Variants in SETD2 observed in about 807,000 individuals in gnomAD.
The protein encoded by SETD2 is SET domain containing 2, histone lysine methyltransferase, also known as histone-lysine N-methyltransferase SETD2.
Under a neutral mutation model 242.1 loss-of-function variants are expected in SETD2, and 31 were observed. The ratio of observed to expected loss-of-function variants is 0.13; its 90% CI spans 0.10 to 0.17. The LOEUF is 0.17. Ranked by LOEUF, SETD2 falls within the 10% of genes least tolerant of loss-of-function variation. SETD2 has a pLI of 1.00. For synonymous variants in SETD2, 1,006 were observed against 1,066.5 expected, an observed-to-expected ratio of 0.94 and a Z score of 1.11; for missense variants, 2,481 against 3,046.3, an observed-to-expected ratio of 0.81 and a Z score of 4.37.
intron 1 of SETD2, among the ~76,000 whole-genome samples, chr3:47,132,582 T>G (rs1421110231): frequency 6.6e-6 from 1 of 152,184 alleles, no homozygotes; most frequent in Non-Finnish European, 1.5e-5. Flanking sequence ...TTAACTAAGA[T>G]AAGACAAAGA....
rs764994848 is a variant in SETD2, at chr3:47,058,799, AT to A, written c.6294-1310del. Among the ~76,000 whole-genome samples, 564 of 144,826 alleles carry A rather than the reference AT, an allele frequency of 3.9e-3. 1 individual carries two copies. Among genetic ancestry groups the A allele is most frequent in the Non-Finnish European group, 4.9e-3 (319 of 65,436 alleles). On this transcript the variant is annotated intron_variant, in intron 14 of 20. Transcript: ENST00000409792. ...ACTGACTACAAAGGGGCACAGGGGAATTTTTTTTTTTTTGAGATGGAGTCTC... is the reference window on the plus strand; with the variant it reads ...ACTGACTACAAAGGGGCACAGGGGAATTTTTTTTTTTTGAGATGGAGTCTC...
chr3:47,124,656 C>T, intron 2 of SETD2, 108 bp from the exon 3 acceptor site: 5 of 942,046 alleles, frequency 5.3e-6, no homozygotes, highest in East Asian at 2.7e-5. Context: ...TTTTTAATAA[C>T]AAATAGTATG....
chr3:47,148,217 G>A (rs547173388), intron 1 of SETD2, among the ~76,000 whole-genome samples: 128 of 151,992 alleles, frequency 8.4e-4, no homozygotes, highest in African/African-American at 2.8e-3. Flanking sequence ...TGCAACCTCT[G>A]CCTCCTGGGT....
chr3:47,163,828 C>CG (rs758938404), intron 1 of SETD2, 26 bp downstream of exon 1: 70 of 1,266,206 alleles, frequency 5.5e-5, no homozygotes, highest in Non-Finnish European at 6.4e-5. Context: ...CCGACAGCAG[C>CG]GGGGGGCCGC....
At chr3:47,030,175 T>A (rs2038699085) in intron 18 of SETD2, among the ~76,000 whole-genome samples, 1 of 150,880 alleles carries the variant, frequency 6.6e-6, no homozygotes, top group Non-Finnish European at 1.5e-5. Flanking sequence ...AAATAAAATA[T>A]GAAAAATACA....
intron 13 of SETD2, among the ~76,000 whole-genome samples, chr3:47,062,926 G>A (rs919239877): frequency 3.9e-5 from 6 of 152,106 alleles, no homozygotes; most frequent in South Asian, 2.1e-4. Context: ...CTGGGCAAAC[G>A]AAGCAAGACC....
At chr3:47,130,531 A>C (rs927702529) in intron 1 of SETD2, among the ~76,000 whole-genome samples, 3 of 152,234 alleles carry the variant, frequency 2.0e-5, no homozygotes, top group Non-Finnish European at 2.9e-5. Context: ...ATTAACAGCA[A>C]GAATTAGCTA....
Position 47,116,634 on chromosome 3 carries a change from G to T in SETD2, c.4575C>A (p.Leu1525=). 1 of 1,611,754 alleles carries T rather than the reference G, an allele frequency of 6.2e-7. No individual in the cohort carries two copies. The highest frequency in any genetic ancestry group is 1.1e-5 in the South Asian group (1 of 90,572). Residue 1525 remains leucine (L), a synonymous_variant, in exon 4 of 21, where the codon CTC becomes CTA. Coordinates refer to ENST00000409792, the MANE Select transcript of SETD2 (RefSeq NM_014159.7). ...TCTAATTTACTTACCATTCAATCATGAGAAGACGATTAAGACAATCTTCCC... is the reference window on the plus strand; with the variant it reads ...TCTAATTTACTTACCATTCAATCATTAGAAGACGATTAAGACAATCTTCCC... ...ACGEDCLNRL[L]MIECSSRCPN... is the part of the protein sequence containing the mutation.
chr3:47,159,306 C>T (rs1474128125), intron 1 of SETD2, among the ~76,000 whole-genome samples: 1 of 152,164 alleles, frequency 6.6e-6, no homozygotes, highest in Non-Finnish European at 1.5e-5. Flanking sequence ...CTCAAACTTA[C>T]TATGCCTAAA....
chr3:47,092,955 CT>C (rs1431263743), intron 9 of SETD2, among the ~76,000 whole-genome samples: 1 of 152,038 alleles, frequency 6.6e-6, no homozygotes, highest in Non-Finnish European at 1.5e-5. Context: ...CTTCAATTTT[CT>C]TTATAGGTTT....
intron 9 of SETD2, among the ~76,000 whole-genome samples, chr3:47,090,420 C>T (rs1053057091): frequency 1.3e-5 from 2 of 151,838 alleles, no homozygotes; most frequent in African/African-American, 2.4e-5. Flanking sequence ...GATGGAGTTT[C>T]GCTCTGTCGC....
intron 1 of SETD2, among the ~76,000 whole-genome samples, chr3:47,146,518 C>T (rs540211476): frequency 2.0e-5 from 3 of 151,796 alleles, no homozygotes; most frequent in Non-Finnish European, 1.5e-5. Flanking sequence ...ATACCAGCTA[C>T]TCGGGAGGCT....
chr3:47,059,780 T>A (rs181930768), intron 14 of SETD2, among the ~76,000 whole-genome samples: 1 of 151,670 alleles, frequency 6.6e-6, no homozygotes, highest in East Asian at 1.9e-4. Context: ...TACAAAACTG[T>A]ATGCATTTTA....
rs780019200 is a variant in SETD2 at position 47,057,081 on chromosome 3, C to T, written c.6703G>A (p.Val2235Ile). 1.9e-6 allele frequency: 3 copies of T among 1,614,220 alleles called. No homozygotes were observed. The highest frequency in any genetic ancestry group is 3.3e-4 in the Middle Eastern group (2 of 6,062). ...TGGGCCACATACTGGGAACTGGAAA[C>T]TTCCACAGGAGCTGCCACATGTGGC... is the stretch of plus-strand genomic sequence containing the variant. ...VVPHVAAPVE[V>I]SSSQYVAQSD... The change falls in exon 15 of 21, where the codon GTT becomes ATT. Residue 2235 changes from valine to isoleucine, a missense_variant. Coordinates refer to ENST00000409792, the MANE Select transcript of SETD2 (RefSeq NM_014159.7).
At chr3:47,086,637 T>C (rs1032453105) in intron 10 of SETD2, among the ~76,000 whole-genome samples, 3 of 151,932 alleles carry the variant, frequency 2.0e-5, no homozygotes, top group African/African-American at 7.2e-5. Flanking sequence ...ACTTTTTAAA[T>C]AAAGCTAAAA....
chr3:47,038,488 G>A (rs990638773), intron 17 of SETD2, among the ~76,000 whole-genome samples: 1 of 151,974 alleles, frequency 6.6e-6, no homozygotes, highest in African/African-American at 2.4e-5. Flanking sequence ...GGTGGCGGGC[G>A]CCTGTAATCC....
intron 15 of SETD2, among the ~76,000 whole-genome samples, chr3:47,052,319 G>A (rs2039882238): frequency 6.6e-6 from 1 of 152,080 alleles, no homozygotes; most frequent in African/African-American, 2.4e-5. Context: ...CCACAGGCAT[G>A]TGCCACCACA....
intron 1 of SETD2, among the ~76,000 whole-genome samples, chr3:47,141,164 T>G (rs1005319629): frequency 1.5e-4 from 20 of 129,078 alleles, no homozygotes; most frequent in African/African-American, 5.2e-4. Flanking sequence ...CACACCACCA[T>G]GCCTGGCTAA....
At chr3:47,110,891 C>T (rs1408675585) in intron 5 of SETD2, among the ~76,000 whole-genome samples, 2 of 151,764 alleles carry the variant, frequency 1.3e-5, no homozygotes, top group African/African-American at 4.8e-5. Flanking sequence ...TCCTCCCTTC[C>T]CCAGTCTCCT....
Sources: gnomAD v4.1 joint callset for allele counts (sites outside exome capture counted in the v4.1 genomes callset) on GRCh38, gnomAD v4.1.1 for gene constraint, MANE v1.5 for transcripts, NCBI Gene and HGNC (gene_info 2026-07-23, HGNC 2026-07-21) for gene names.